FAF1: variants seen among roughly 807,000 people sequenced by gnomAD.
FAF1 encodes the protein FAS-associated factor 1.
A neutral mutation model predicts 92.5 loss-of-function variants in FAF1; 25 were observed. The ratio of observed to expected loss-of-function variants is 0.27; its 90% CI spans 0.20 to 0.38. The LOEUF (loss-of-function observed/expected upper bound fraction) is 0.38. Among genes scored for constraint, FAF1 ranks in the 10% least tolerant of loss-of-function variants. The probability of loss-of-function intolerance (pLI) is 1.00; values close to 1 mark genes in which losing one functional copy is unlikely to be tolerated. For missense variants in FAF1, 636 were observed against 793.3 expected, an observed-to-expected ratio of 0.80 and a Z score of 2.38; for synonymous variants, 234 against 273.2, an observed-to-expected ratio of 0.86 and a Z score of 1.42.
intron 8 of FAF1, among the ~76,000 whole-genome samples, chr1:50,630,069 A>T (rs1399010165): frequency 6.6e-6 from 1 of 151,948 alleles, no homozygotes; most frequent in Non-Finnish European, 1.5e-5. Context: ...AAAAAAAAAC[A>T]TATCGACGTT....
At chr1:50,756,322 T>C (rs1660071532) in intron 4 of FAF1, among the ~76,000 whole-genome samples, 2 of 147,282 alleles carry the variant, frequency 1.4e-5, no homozygotes, top group South Asian at 4.1e-4. Flanking sequence ...TGCCAGCATC[T>C]TTGCTAAAAC....
chr1:50,898,397 T>C (rs1203768987), intron 1 of FAF1, among the ~76,000 whole-genome samples: 2 of 152,174 alleles, frequency 1.3e-5, no homozygotes, highest in East Asian at 1.9e-4. Flanking sequence ...TCTATACCTA[T>C]ACAGATAGAC....
chr1:50,737,417 A>G (rs562997029), intron 6 of FAF1, among the ~76,000 whole-genome samples: 7 of 152,344 alleles, frequency 4.6e-5, no homozygotes, highest in African/African-American at 1.4e-4. Context: ...TGGATTACCT[A>G]TTTTATGACA....
chr1:50,719,881 T>A lies in FAF1; in HGVS notation c.552-13990A>T, dbSNP rs1363402705. On this transcript the variant is annotated intron_variant, in intron 6 of 18. Transcript: ENST00000396153. ...CAATAAACTGTATAAATGGGTTTGGTACCTCACTCCAATTAGATGTGTTGT... is the reference window on the plus strand; with the variant it reads ...CAATAAACTGTATAAATGGGTTTGGAACCTCACTCCAATTAGATGTGTTGT... 3.3e-5 allele frequency among the ~76,000 whole-genome samples: 5 copies of A among 152,230 alleles called. No homozygotes were observed. In the East Asian group the frequency reaches 7.7e-4, roughly 23 times the overall value.
At position 50,881,756 on chromosome 1, in the gene FAF1, T is replaced by G. The variant is rs1480509051; in HGVS notation, c.46-23759A>C. Among the ~76,000 whole-genome samples, 3 of 152,208 alleles carry G rather than the reference T, an allele frequency of 2.0e-5. No homozygotes were observed. In the East Asian group the frequency reaches 5.8e-4, roughly 29 times the overall value. On this transcript the variant is annotated intron_variant, in intron 1 of 18. Coordinates refer to ENST00000396153, the MANE Select transcript of FAF1 (RefSeq NM_007051.3). Reference sequence around the variant, plus strand: ...TTACATGAGTGGTTTCTAAAACACTTGAATCTTATTTCATCTACCACAGAG... The same window carrying G: ...TTACATGAGTGGTTTCTAAAACACTGGAATCTTATTTCATCTACCACAGAG...
intron 3 of FAF1, among the ~76,000 whole-genome samples, chr1:50,799,456 A>G (rs1661890656): frequency 6.6e-6 from 1 of 152,000 alleles, no homozygotes; most frequent in South Asian, 2.1e-4. Context: ...TCACACAAAA[A>G]CCTGATTTCA....
rs778119763 is a variant in FAF1 at position 50,536,824 on chromosome 1, C to T, written c.1406-1367G>A. ...ATAAGTGAATAAATGGACTGTAGCT[C>T]TCTAAGGATCAATTTCCTTTTCTCA... On this transcript the variant is annotated intron_variant, in intron 14 of 18. Coordinates refer to ENST00000396153, the MANE Select transcript of FAF1 (RefSeq NM_007051.3). Among the ~76,000 whole-genome samples, 146 of 152,216 alleles carry T rather than the reference C, an allele frequency of 9.6e-4. 2 individuals carry two copies. Among genetic ancestry groups the T allele is most frequent in the Non-Finnish European group, 2.9e-4 (20 of 68,024 alleles).
intron 4 of FAF1, among the ~76,000 whole-genome samples, chr1:50,778,474 C>T (rs1391856114): frequency 1.3e-5 from 2 of 152,056 alleles, no homozygotes; most frequent in Non-Finnish European, 2.9e-5. Context: ...TACTAATAGC[C>T]TACTGTTGAC....
chr1:50,799,557 T>G (rs970977204), intron 3 of FAF1, among the ~76,000 whole-genome samples: 1 of 152,154 alleles, frequency 6.6e-6, no homozygotes, highest in African/African-American at 2.4e-5. Context: ...CAGTTTTTTG[T>G]TTTGAATAAT....
chr1:50,734,733 C>CAAAA (rs71672961), intron 6 of FAF1, among the ~76,000 whole-genome samples: 1 of 84,204 alleles, frequency 1.2e-5, no homozygotes, highest in Non-Finnish European at 2.4e-5. Context: ...GACTCCATCT[C>CAAAA]AAAAAAAAAA....
At chr1:50,909,799 G>A (rs867981342) in intron 1 of FAF1, among the ~76,000 whole-genome samples, 2 of 152,256 alleles carry the variant, frequency 1.3e-5, no homozygotes, top group Middle Eastern at 3.4e-3. Flanking sequence ...AAGGTTTTTA[G>A]CTTCTTTGCG....
rs370358723 is a variant in FAF1 at position 50,791,220 on chromosome 1, C to T, written c.162-3015G>A. ...TGCCACAGCTGAAATCCAAAGTGAG[C>T]TCTTAAATATCTATGAACAGAATCT... On this transcript the variant is annotated intron_variant, in intron 3 of 18. Coordinates refer to ENST00000396153, the MANE Select transcript of FAF1 (RefSeq NM_007051.3). Among the ~76,000 whole-genome samples the T allele has an allele frequency of 1.8e-4, 28 of 152,274 alleles. No homozygotes were observed. In the South Asian group the frequency reaches 4.6e-3, roughly 25 times the overall value.
intron 15 of FAF1, among the ~76,000 whole-genome samples, chr1:50,495,991 T>G (rs1474898161): frequency 6.6e-6 from 1 of 152,054 alleles, no homozygotes. Context: ...TGATGACTAT[T>G]AAAAATAAAA....
At chr1:50,461,313 CCT>C (rs1354016409) in intron 18 of FAF1, among the ~76,000 whole-genome samples, 2 of 152,138 alleles carry the variant, frequency 1.3e-5, no homozygotes, top group African/African-American at 4.8e-5. Flanking sequence ...GCAGTATGTG[CCT>C]CAAGTCTGCC....
intron 4 of FAF1, among the ~76,000 whole-genome samples, chr1:50,761,709 A>T (rs1245973122): frequency 6.6e-6 from 1 of 152,236 alleles, no homozygotes; most frequent in Non-Finnish European, 1.5e-5. Context: ...AGAGCTATCT[A>T]TGACAAACCC....
intron 12 of FAF1, among the ~76,000 whole-genome samples, chr1:50,571,941 T>G (rs1313371587): frequency 6.6e-6 from 1 of 152,262 alleles, no homozygotes; most frequent in Non-Finnish European, 1.5e-5. Context: ...TTCAATGCTT[T>G]TAAAGTTGAT....
At chr1:50,672,879 G>A (rs1655958835) in intron 7 of FAF1, among the ~76,000 whole-genome samples, 1 of 152,064 alleles carries the variant, frequency 6.6e-6, no homozygotes, top group Non-Finnish European at 1.5e-5. Context: ...AGCACTCTAG[G>A]GGCTGAGGTG....
intron 13 of FAF1, among the ~76,000 whole-genome samples, chr1:50,554,620 A>C (rs1014633007): frequency 6.6e-5 from 10 of 151,954 alleles, no homozygotes; most frequent in Non-Finnish European, 1.3e-4. Context: ...TCTTCACTAC[A>C]CCCCACTAAA....
intron 7 of FAF1, among the ~76,000 whole-genome samples, chr1:50,676,496 A>G (rs903379112): frequency 6.6e-6 from 1 of 152,172 alleles, no homozygotes; most frequent in African/African-American, 2.4e-5. Flanking sequence ...TATTATTTTC[A>G]ATGTAACAAT....
Sources: allele counts gnomAD v4.1 joint callset (sites outside exome capture counted in the v4.1 genomes callset), GRCh38; gene constraint gnomAD v4.1.1; transcripts MANE v1.5; gene names NCBI Gene and HGNC (gene_info 2026-07-23, HGNC 2026-07-21).